Variants in XKR9 observed in about 807,000 individuals in gnomAD.
XKR9 encodes XK related 9.
XKR9 carries 32 observed loss-of-function variants against 32.0 expected under a neutral mutation model. That is an observed-to-expected ratio of 1.00 (90% CI 0.76 to 1.34). The LOEUF (loss-of-function observed/expected upper bound fraction) is 1.34. XKR9 is among the 40% of genes most tolerant of loss of function. The pLI, the probability that XKR9 is intolerant of heterozygous loss-of-function variation, is 0.00. For synonymous variants in XKR9, 168 were observed against 143.4 expected, an observed-to-expected ratio of 1.17 and a Z score of -1.22; for missense variants, 546 against 429.7, an observed-to-expected ratio of 1.27 and a Z score of -2.39.
chr8:70,759,069 T>G (rs1016464222), intron 2 of XKR9, among the ~76,000 whole-genome samples: 1 of 152,198 alleles, frequency 6.6e-6, no homozygotes, highest in South Asian at 2.1e-4. Flanking sequence ...GTTCCCCTTC[T>G]TTTTCATGGC....
intron 4 of XKR9, among the ~76,000 whole-genome samples, chr8:70,727,464 G>A (rs753357661): frequency 2.0e-5 from 3 of 151,762 alleles, no homozygotes; most frequent in Non-Finnish European, 2.9e-5. Flanking sequence ...GCAGTGGCGC[G>A]ATCTTGGCTC....
chr8:70,894,228 T>G, the XKR9 span, among the ~76,000 whole-genome samples: 8 of 151,718 alleles, frequency 5.3e-5, no homozygotes, highest in Non-Finnish European at 1.5e-5. Context: ...GACAGTATAC[T>G]AGATTCGGTG....
intron 2 of XKR9, among the ~76,000 whole-genome samples, chr8:70,772,182 A>G (rs1320916857): frequency 2.0e-5 from 3 of 152,178 alleles, no homozygotes; most frequent in Non-Finnish European, 2.9e-5. Context: ...AAACAACTTG[A>G]GATCAGGATT....
At chr8:70,749,442 C>T (rs891278434) in intron 2 of XKR9, among the ~76,000 whole-genome samples, 3 of 152,202 alleles carry the variant, frequency 2.0e-5, no homozygotes, top group Non-Finnish European at 2.9e-5. Flanking sequence ...CTTTCAGGTG[C>T]CACCAAATTC....
rs147527735 is a variant in XKR9, at chr8:70,744,298, G to C, written n.352+37145G>C. ...TGCACTGCAGCCTGGGTGACAGAGC[G>C]AGACTTCGCCTCAAAAAAAAAAAAT... is the stretch of plus-strand genomic sequence containing the variant. On this transcript the variant is annotated intron_variant and non_coding_transcript_variant, in intron 2 of 3. Transcript: ENST00000520273. Among the ~76,000 whole-genome samples the C allele has an allele frequency of 2.3e-3, 304 of 134,540 alleles. 2 individuals carry two copies. Among genetic ancestry groups the C allele is most frequent in the African/African-American group, 8.1e-3 (293 of 35,992 alleles). 88.3% of individuals were successfully genotyped at this position (134,540 alleles called of 152,430 possible).
chr8:70,784,454 T>C (rs965389020), intron 2 of XKR9, among the ~76,000 whole-genome samples: 1 of 152,120 alleles, frequency 6.6e-6, no homozygotes, highest in African/African-American at 2.4e-5. Flanking sequence ...TTTTTGTACC[T>C]ATTGTAAGTG....
chr8:70,734,391 A>G lies in XKR9; in HGVS notation c.1089A>G (p.Arg363=). ...CDEIDGKPVL[R]ECRMRYFLME is the part of the protein sequence containing the mutation. ...AAATTGATGGAAAACCAGTTCTAAG[A>G]GAATGTAGAATGAGATATTTCCTAA... is the stretch of plus-strand genomic sequence containing the variant. The change falls in exon 5 of 5, where the codon AGA becomes AGG. Residue 363 remains arginine, a synonymous_variant. Transcript: ENST00000408926. The G allele has an allele frequency of 1.3e-6, 2 of 1,599,412 alleles. No individual in the cohort carries two copies. The highest frequency in any genetic ancestry group is 8.5e-7 in the Non-Finnish European group (1 of 1,176,760).
the XKR9 span, among the ~76,000 whole-genome samples, chr8:70,974,511 C>T: frequency 1.6e-4 from 25 of 152,032 alleles, no homozygotes; most frequent in Admixed American, 2.6e-4. Context: ...TCTGGCCTGG[C>T]GATAGTTTGC....
At chr8:70,708,779 T>C (rs1218000492) in intron 4 of XKR9, among the ~76,000 whole-genome samples, 1 of 152,096 alleles carries the variant, frequency 6.6e-6, no homozygotes, top group East Asian at 1.9e-4. Context: ...AATTATGTTA[T>C]ACGAGTTCTG....
At chr8:70,733,723 A>G (rs1806749487) in intron 4 of XKR9, 73 bp from the exon 5 acceptor site, 4 of 1,340,284 alleles carry the variant, frequency 3.0e-6, no homozygotes, top group Non-Finnish European at 3.9e-6. Flanking sequence ...TAGATATAGC[A>G]TGTATGGGAT....
At chr8:70,955,779 C>T in the XKR9 span, among the ~76,000 whole-genome samples, 2 of 152,176 alleles carry the variant, frequency 1.3e-5, no homozygotes, top group African/African-American at 2.4e-5. Flanking sequence ...GATGTGTGAG[C>T]GAGTGAGCAT....
the XKR9 span, among the ~76,000 whole-genome samples, chr8:70,872,814 C>T: frequency 6.6e-6 from 1 of 152,238 alleles, no homozygotes; most frequent in African/African-American, 2.4e-5. Context: ...GCATGTGCCA[C>T]CACGCCCAGC....
At chr8:70,923,203 A>C in the XKR9 span, among the ~76,000 whole-genome samples, 1 of 152,248 alleles carries the variant, frequency 6.6e-6, no homozygotes, top group Non-Finnish European at 1.5e-5. Context: ...TGAGGCTGAC[A>C]AGATTATTAG....
At chr8:70,828,965 C>T in the XKR9 span, among the ~76,000 whole-genome samples, 23 of 152,118 alleles carry the variant, frequency 1.5e-4, no homozygotes, top group Admixed American at 1.2e-3. Flanking sequence ...ATTTAAACTA[C>T]GTTAATTGCC....
chr8:71,049,444 G>A, the XKR9 span, among the ~76,000 whole-genome samples: 6 of 152,170 alleles, frequency 3.9e-5, no homozygotes, highest in Non-Finnish European at 8.8e-5. Context: ...TATGACATAG[G>A]CAGAGGTTTT....
the XKR9 span, among the ~76,000 whole-genome samples, chr8:70,850,270 GC>G: frequency 6.6e-6 from 1 of 151,812 alleles, no homozygotes; most frequent in Non-Finnish European, 1.5e-5. Flanking sequence ...GACCATCCTT[GC>G]TAACATGGTG....
chr8:70,847,728 G>A, the XKR9 span, among the ~76,000 whole-genome samples: 1 of 151,976 alleles, frequency 6.6e-6, no homozygotes, highest in African/African-American at 2.4e-5. Context: ...TAGAGGAAAT[G>A]GATAAATTCC....
At chr8:70,749,075 G>A (rs11987148) in intron 2 of XKR9, among the ~76,000 whole-genome samples, 50,289 of 152,050 alleles carry the variant, frequency 0.33, 9,450 homozygotes, top group Non-Finnish European at 0.43. Context: ...GACATTCATC[G>A]GGATGACCTG....
the XKR9 span, among the ~76,000 whole-genome samples, chr8:70,955,120 T>G: frequency 6.6e-6 from 1 of 152,234 alleles, no homozygotes; most frequent in Non-Finnish European, 1.5e-5. Context: ...CACCCGTGAC[T>G]TCTGTGTGAC....
Sources: allele counts gnomAD v4.1 joint callset (sites outside exome capture counted in the v4.1 genomes callset), GRCh38; gene constraint gnomAD v4.1.1; transcripts MANE v1.5; gene names NCBI Gene and HGNC (gene_info 2026-07-23, HGNC 2026-07-21).